The following NPHP4 variants were observed in gnomAD, a reference collection of about 807,000 sequenced individuals.
NPHP4 encodes the protein nephrocystin 4.
Under a neutral mutation model 155.8 loss-of-function variants are expected in NPHP4, and 151 were observed. The observed-to-expected ratio is 0.97, with a 90% CI of 0.85 to 1.11. The LOEUF (loss-of-function observed/expected upper bound fraction) is 1.11. NPHP4 is among the 50% of genes least tolerant of loss of function. The pLI, the probability that NPHP4 is intolerant of heterozygous loss-of-function variation, is 0.00. For synonymous variants in NPHP4, 845 were observed against 816.8 expected (o/e 1.03, Z -0.59); for missense variants, 1,956 against 1,925.7 (o/e 1.02, Z -0.29).
chr1:5,888,401 G>A, intron 17 of NPHP4: 2 of 1,089,364 alleles, frequency 1.8e-6, no homozygotes, highest in Non-Finnish European at 2.2e-6. Flanking sequence ...TCCGGATTTT[G>A]TAATTCTCCA....
chr1:5,936,202 C>G (rs886451904), intron 9 of NPHP4, among the ~76,000 whole-genome samples: 2 of 152,154 alleles, frequency 1.3e-5, no homozygotes, highest in Non-Finnish European at 2.9e-5. Flanking sequence ...TGTTTAACAG[C>G]TTTAATAACA....
In NPHP4 at chr1:5,867,657, G is replaced by A; in HGVS notation, c.3472+83C>T. The A allele has an allele frequency of 7.0e-7, 1 of 1,427,288 alleles. No homozygotes were observed. Among genetic ancestry groups the A allele is most frequent in the Non-Finnish European group, 9.6e-7 (1 of 1,037,150 alleles). The allele number at this position is 1,427,288 out of a possible 1,614,324, so 88.4% of individuals were successfully genotyped here. ...ACAGCACCAGGGCATGAAGCCATGAGGCCATCTGTCACCCTCAAGAGGTAT... is the reference window on the plus strand; with the variant it reads ...ACAGCACCAGGGCATGAAGCCATGAAGCCATCTGTCACCCTCAAGAGGTAT... On this transcript the variant is annotated intron_variant, in intron 24 of 29. Coordinates refer to ENST00000378156, the MANE Select transcript of NPHP4 (RefSeq NM_015102.5). This position sits in a 1 kb window ranked among gnomAD's most constrained non-coding sequence, Gnocchi z 4.1.
chr1:5,879,149 C>T (rs563673466), intron 19 of NPHP4, among the ~76,000 whole-genome samples: 91 of 152,280 alleles, frequency 6.0e-4, no homozygotes, highest in Middle Eastern at 3.4e-3. Flanking sequence ...GGGAACCCAA[C>T]GGCCCCTCCC....
rs372399289 is a variant in NPHP4, at chr1:5,863,037, C to T, written c.*228G>A. 12 of 575,994 alleles carry T rather than the reference C, an allele frequency of 2.1e-5. No individual in the cohort carries two copies. Among genetic ancestry groups the T allele is most frequent in the African/African-American group, 1.7e-4 (9 of 53,764 alleles). The allele number at this position is 575,994 out of a possible 1,614,324, so 35.7% of individuals were successfully genotyped here. A position where few individuals can be genotyped will look rare whatever the true frequency, so the allele number is the denominator to read the frequency against. ...GAGCCAGACCCACCACCACGGAGTT[C>T]GCGCTCACGGAACCCAGGCCTGCTG... On this transcript the variant is annotated 3_prime_UTR_variant, in exon 30 of 30. Transcript: ENST00000378156.
In NPHP4 at chr1:5,905,546, C is replaced by T; in HGVS notation, c.1764-63G>A. On this transcript the variant is annotated intron_variant, in intron 14 of 29. Transcript: ENST00000378156. This position sits in a 1 kb window ranked among gnomAD's most constrained non-coding sequence, Gnocchi z 4.0. ...AGGGGGGACCCATTGATGCACCTCC[C>T]TGTGGAAACCCTGGGGTTCACAAGG... is the stretch of plus-strand genomic sequence containing the variant. 6.3e-7 allele frequency: 1 copy of T among 1,599,364 alleles called. No individual in the cohort carries two copies.
chr1:5,921,009 C>A (rs895165227), intron 11 of NPHP4, among the ~76,000 whole-genome samples: 3 of 152,130 alleles, frequency 2.0e-5, no homozygotes, highest in African/African-American at 7.2e-5. Flanking sequence ...GTATTTAATC[C>A]ATCCCATTTT....
At chr1:5,870,595 C>T (rs1185877926) in intron 23 of NPHP4, among the ~76,000 whole-genome samples, 1 of 152,194 alleles carries the variant, frequency 6.6e-6, no homozygotes, top group African/African-American at 2.4e-5. Flanking sequence ...AAGATACTTA[C>T]TCATGACTTT....
At chr1:5,901,554 C>A in intron 16 of NPHP4, among the ~76,000 whole-genome samples, 1 of 152,212 alleles carries the variant, frequency 6.6e-6, no homozygotes. Flanking sequence ...CTTCAACTTG[C>A]AAGGAAATTT....
chr1:5,873,129 G>A (rs974354765), intron 23 of NPHP4, 123 bp downstream of exon 23: 6 of 835,328 alleles, frequency 7.2e-6, no homozygotes, highest in Admixed American at 2.2e-5. Context: ...CCAGGCCCAC[G>A]CCACCCCTGC....
At position 5,877,291 on chromosome 1, in the gene NPHP4, G is replaced by A. The variant is rs538589311; in HGVS notation, c.2619C>T (p.His873=). The A allele has an allele frequency of 1.3e-5, 20 of 1,591,340 alleles. No individual in the cohort carries two copies. The East Asian group carries it at 1.4e-4, about 11-fold the overall frequency. Residue 873 remains histidine, a synonymous_variant, in exon 20 of 30, where the codon CAC becomes CAT. Coordinates refer to ENST00000378156, the MANE Select transcript of NPHP4 (RefSeq NM_015102.5). The part of the protein sequence containing the change: ...LLTTGSSRRK[H]VVQAQKLADV... Reference sequence around the variant, plus strand: ...CCGCCAGCTTCTGTGCTTGCACCACGTGTTTTCCTGCGAAAGGGTCAGAGC... The same window carrying A: ...CCGCCAGCTTCTGTGCTTGCACCACATGTTTTCCTGCGAAAGGGTCAGAGC...
chr1:5,991,136 G>C (rs1486436078), intron 1 of NPHP4, among the ~76,000 whole-genome samples: 2 of 152,136 alleles, frequency 1.3e-5, no homozygotes, highest in Non-Finnish European at 2.9e-5. Context: ...TAATGCCTGA[G>C]ACCCAGATGC....
At chr1:5,914,559 G>C (rs1259958700) in intron 11 of NPHP4, among the ~76,000 whole-genome samples, 1 of 152,228 alleles carries the variant, frequency 6.6e-6, no homozygotes, top group Non-Finnish European at 1.5e-5. Flanking sequence ...TTTTCAATAT[G>C]CATGCGCATT....
rs773419251 is a variant in NPHP4 at position 5,944,184 on chromosome 1, G to A, written c.1119+2920C>T. On this transcript the variant is annotated intron_variant, in intron 9 of 29. Transcript: ENST00000378156. The surrounding 1 kb of genome is among the most constrained non-coding windows in gnomAD (Gnocchi z 4.3). ...GGAAGCTGGCAGCCGGGGAAGCTCC[G>A]TGGGGCCCATCGCACCAGCCAGCCT... 1.5e-4 allele frequency among the ~76,000 whole-genome samples: 23 copies of A among 152,228 alleles called. No individual in the cohort carries two copies. Among genetic ancestry groups the A allele is most frequent in the Non-Finnish European group, 2.9e-4 (20 of 68,028 alleles).
intron 3 of NPHP4, among the ~76,000 whole-genome samples, chr1:5,974,781 AG>A (rs1653234290): frequency 6.6e-6 from 1 of 151,836 alleles, no homozygotes; most frequent in Non-Finnish European, 1.5e-5. Context: ...ATCATGCCAC[AG>A]CCCCCTCTCT....
Position 5,866,443 on chromosome 1 carries a change from G to A in NPHP4, c.3574C>T (p.Arg1192Trp), listed in dbSNP as rs139022622. 3,215 of 1,600,152 alleles carry A rather than the reference G, an allele frequency of 2.0e-3. 4 individuals are homozygous for A. The highest frequency in any genetic ancestry group is 2.4e-3 in the Non-Finnish European group (2,861 of 1,172,252). ...CTGGCCACCTTCAGAAATATGTCCC[G>A]TGGTTCCCCGGGGCCCTGCCAACCA... Reference protein sequence around the residue: ...ETQNVGPGEPRDIFLKVASGP... With the variant: ...ETQNVGPGEPWDIFLKVASGP... Residue 1192 changes from arginine to tryptophan, a missense_variant, in exon 26 of 30, where the codon CGG becomes TGG. Coordinates refer to ENST00000378156, the MANE Select transcript of NPHP4 (RefSeq NM_015102.5).
intron 6 of NPHP4, 62 bp downstream of exon 6, chr1:5,961,732 G>A (rs544437000): frequency 6.5e-7 from 1 of 1,527,340 alleles, no homozygotes; most frequent in Non-Finnish European, 8.9e-7. Flanking sequence ...TGCCTTCAAG[G>A]TTTCACTGTG....
Position 5,907,119 on chromosome 1 carries a change from TG to T in NPHP4, c.1606del (p.Gln536ArgfsTer18). 1 of 1,522,838 alleles carries T rather than the reference TG, an allele frequency of 6.6e-7. No homozygotes were observed. The highest frequency in any genetic ancestry group is 8.9e-7 in the Non-Finnish European group (1 of 1,129,396). 94.3% of individuals were successfully genotyped at this position (1,522,838 alleles called of 1,614,324 possible). ...LPHGSQASPA[Q>X]AQEFPLEAGI... Reference sequence around the variant, plus strand: ...CGGCAGGTGGGCGGCACTTACTGCCTGGGCCGGGGAGGCCTGAGAGCCATGG... The same window carrying T: ...CGGCAGGTGGGCGGCACTTACTGCCTGGCCGGGGAGGCCTGAGAGCCATGG... On this transcript the variant is annotated frameshift_variant, in exon 13 of 30. Transcript: ENST00000378156. LOFTEE classifies it high-confidence loss of function.
rs1166386938 is a variant in NPHP4 at position 5,948,182 on chromosome 1, C to T, written c.880G>A (p.Gly294Ser). The change falls in exon 8 of 30, where the codon GGT (glycine) becomes AGT (serine). Residue 294 changes from glycine to serine, a missense_variant. Transcript: ENST00000378156. ...TGCGGCCTCTGCACGAAGCCCAGAC[C>T]ATTGTGCACGCCCACACGCAGGCGC... ...ERRLRVGVHN[G>S]LGFVQRPQVV... 1.9e-6 allele frequency: 3 copies of T among 1,612,282 alleles called. No individual in the cohort carries two copies. The highest frequency in any genetic ancestry group is 2.5e-6 in the Non-Finnish European group (3 of 1,179,524).
intron 27 of NPHP4, 94 bp downstream of exon 27, chr1:5,865,008 C>T: frequency 7.6e-7 from 1 of 1,313,518 alleles, no homozygotes; most frequent in Non-Finnish European, 1.1e-6. Flanking sequence ...AAGCTGCTGT[C>T]AGGGCCACCC....
Sources: gnomAD v4.1 joint callset for allele counts (sites outside exome capture counted in the v4.1 genomes callset) on GRCh38, gnomAD v4.1.1 for gene constraint, Gnocchi (gnomAD v3.1) non-coding constraint, MANE v1.5 for transcripts, NCBI Gene and HGNC (gene_info 2026-07-23, HGNC 2026-07-21) for gene names.